Variants in BMPR1B observed in about 807,000 individuals in gnomAD.
The protein encoded by BMPR1B is bone morphogenetic protein receptor type 1B.
A neutral mutation model predicts 59.1 loss-of-function variants in BMPR1B; 12 were observed. The ratio of observed to expected loss-of-function variants is 0.20; its 90% CI spans 0.13 to 0.33. BMPR1B has a LOEUF of 0.33. Among genes scored for constraint, BMPR1B ranks in the 10% least tolerant of loss-of-function variants. The pLI, the probability that BMPR1B is intolerant of heterozygous loss-of-function variation, is 1.00. For synonymous variants in BMPR1B, 237 were observed against 207.3 expected, an observed-to-expected ratio of 1.14 and a Z score of -1.23; for missense variants, 550 against 610.9, an observed-to-expected ratio of 0.90 and a Z score of 1.05.
intron 2 of BMPR1B, among the ~76,000 whole-genome samples, chr4:94,894,790 G>A (rs893663576): frequency 2.0e-5 from 3 of 151,370 alleles, no homozygotes; most frequent in East Asian, 1.9e-4. Flanking sequence ...TTTCTTGGGC[G>A]CTGAATACTG....
rs556023061 is a variant in BMPR1B at position 95,090,283 on chromosome 4, A to G, written c.-17-14125A>G. Among the ~76,000 whole-genome samples the G allele has an allele frequency of 3.1e-4, 47 of 151,882 alleles. No homozygotes were observed. In the South Asian group the frequency reaches 8.7e-3, roughly 28 times the overall value. On this transcript the variant is annotated intron_variant, in intron 3 of 12. Transcript: ENST00000515059. ...CATGTTCTTTAATATATATATTTAA[A>G]TTATAGTTACATTTTATAAAAATTA... is the stretch of plus-strand genomic sequence containing the variant.
intron 3 of BMPR1B, among the ~76,000 whole-genome samples, chr4:95,093,045 T>A (rs1251734126): frequency 6.6e-6 from 1 of 152,142 alleles, no homozygotes; most frequent in Non-Finnish European, 1.5e-5. Context: ...TTTCTAACAA[T>A]GTGGAGCTGA....
intron 2 of BMPR1B, among the ~76,000 whole-genome samples, chr4:94,987,105 A>C (rs1721461959): frequency 1.6e-3 from 1 of 632 alleles, no homozygotes; most frequent in South Asian, 0.025. Context: ...TATACTATAT[A>C]TGTATATATA....
rs932200035 is a variant in BMPR1B, at chr4:94,836,212, A to G, written c.-182-39619A>G. On this transcript the variant is annotated intron_variant, in intron 1 of 12. Coordinates refer to ENST00000515059, the MANE Select transcript of BMPR1B (RefSeq NM_001203.3). ...CTTTGCTATTGTGAATAGTGACGCAATAAACATACATGTGCATGTGTCTTT... is the reference window on the plus strand; with the variant it reads ...CTTTGCTATTGTGAATAGTGACGCAGTAAACATACATGTGCATGTGTCTTT... 7.9e-5 allele frequency among the ~76,000 whole-genome samples: 12 copies of G among 151,192 alleles called. 1 individual carries two copies. Among genetic ancestry groups the G allele is most frequent in the Non-Finnish European group, 1.3e-4 (9 of 67,788 alleles).
intron 4 of BMPR1B, among the ~76,000 whole-genome samples, chr4:95,111,502 TACA>T (rs1377496692): frequency 6.6e-6 from 1 of 152,122 alleles, no homozygotes; most frequent in Non-Finnish European, 1.5e-5. Context: ...CTAACCATTC[TACA>T]ACAACTAATG....
intron 3 of BMPR1B, among the ~76,000 whole-genome samples, chr4:95,077,238 A>G (rs1728779611): frequency 6.6e-6 from 1 of 152,138 alleles, no homozygotes; most frequent in Admixed American, 6.5e-5. Flanking sequence ...GCTGATGGTG[A>G]TGTAGTATTA....
chr4:95,056,977 C>G (rs1227049071), intron 3 of BMPR1B, among the ~76,000 whole-genome samples: 1 of 151,968 alleles, frequency 6.6e-6, no homozygotes, highest in East Asian at 1.9e-4. Context: ...TGATATAATC[C>G]CTCATTGTGT....
intron 4 of BMPR1B, among the ~76,000 whole-genome samples, chr4:95,107,922 C>G (rs1731308345): frequency 6.6e-6 from 1 of 151,996 alleles, no homozygotes; most frequent in African/African-American, 2.4e-5. Flanking sequence ...TTTCTTTGTC[C>G]TAAGACCTAT....
At chr4:95,042,486 A>G (rs1004533505) in intron 3 of BMPR1B, among the ~76,000 whole-genome samples, 6 of 152,228 alleles carry the variant, frequency 3.9e-5, no homozygotes, top group African/African-American at 1.2e-4. Context: ...CATGTGAAAC[A>G]TAAATGAATT....
chr4:94,874,016 T>C (rs1179047851), intron 1 of BMPR1B, among the ~76,000 whole-genome samples: 2 of 152,172 alleles, frequency 1.3e-5, no homozygotes, highest in East Asian at 3.9e-4. Context: ...AGTTGAATCA[T>C]ACAGTGTTTG....
chr4:94,920,045 C>T lies in BMPR1B; in HGVS notation c.-113+44145C>T, dbSNP rs543573237. On this transcript the variant is annotated intron_variant, in intron 2 of 12. Transcript: ENST00000515059. ...TTAAAAGTATTTTCTTGCAAGTTTT[C>T]GTTGTCTGGGTTCATAATTTTGAGG... Among the ~76,000 whole-genome samples, 18 of 151,982 alleles carry T rather than the reference C, an allele frequency of 1.2e-4. 1 individual carries two copies. The South Asian group carries it at 3.7e-3, about 32-fold the overall frequency.
At chr4:94,926,071 CCCG>C (rs1728878397) in intron 2 of BMPR1B, among the ~76,000 whole-genome samples, 1 of 52,098 alleles carries the variant, frequency 1.9e-5, no homozygotes, top group African/African-American at 1.0e-4. Context: ...CCCAATCCCT[CCCG>C]TCTCCCTCCC....
chr4:95,083,999 A>G (rs1253238011), intron 3 of BMPR1B, among the ~76,000 whole-genome samples: 1 of 151,998 alleles, frequency 6.6e-6, no homozygotes, highest in African/African-American at 2.4e-5. Context: ...ATGTCCTGAC[A>G]TTTTCCCCTT....
At chr4:94,819,391 T>C (rs1017297071) in intron 1 of BMPR1B, among the ~76,000 whole-genome samples, 8 of 152,242 alleles carry the variant, frequency 5.3e-5, no homozygotes, top group Non-Finnish European at 1.0e-4. Flanking sequence ...TAATTTGAGC[T>C]AAAATGTTAC....
intron 2 of BMPR1B, among the ~76,000 whole-genome samples, chr4:94,897,941 CTTTTTTTTTTTTT>C (rs869186341): frequency 0.019 from 1,729 of 90,430 alleles, 54 homozygotes; most frequent in African/African-American, 0.072. Flanking sequence ...AATTCTTTTC[CTTTTTTTTTTTTT>C]TTTTTTTTTT....
At chr4:94,836,397 C>T (rs1323429079) in intron 1 of BMPR1B, among the ~76,000 whole-genome samples, 3,650 of 135,542 alleles carry the variant, frequency 0.027, 90 homozygotes, top group Non-Finnish European at 0.042. Flanking sequence ...TGTTCTATTT[C>T]TCCACATCCT....
intron 3 of BMPR1B, among the ~76,000 whole-genome samples, chr4:95,033,950 T>C (rs974957557): frequency 6.6e-6 from 1 of 152,100 alleles, no homozygotes; most frequent in Non-Finnish European, 1.5e-5. Flanking sequence ...AGGAAGCAAT[T>C]ATTTCTGCTG....
intron 8 of BMPR1B, among the ~76,000 whole-genome samples, chr4:95,128,402 A>G (rs1192373727): frequency 2.6e-5 from 4 of 152,218 alleles, no homozygotes; most frequent in Non-Finnish European, 4.4e-5. Flanking sequence ...TATACGCTAG[A>G]TTCCTTATGT....
chr4:95,016,923 A>G (rs1043948295), intron 3 of BMPR1B, among the ~76,000 whole-genome samples: 5 of 152,326 alleles, frequency 3.3e-5, no homozygotes, highest in South Asian at 2.1e-4. Context: ...ATTAAGGACT[A>G]TGATTTATTA....
Sources: allele counts gnomAD v4.1 joint callset (sites outside exome capture counted in the v4.1 genomes callset), GRCh38; gene constraint gnomAD v4.1.1; transcripts MANE v1.5; gene names NCBI Gene and HGNC (gene_info 2026-07-23, HGNC 2026-07-21).